The following PCDHGA7 variants were observed in gnomAD, a reference collection of about 807,000 sequenced individuals.
PCDHGA7 encodes the protein protocadherin gamma subfamily A, 7, also known as protocadherin gamma-A7.
A neutral mutation model predicts 58.3 loss-of-function variants in PCDHGA7; 44 were observed. The ratio of observed to expected loss-of-function variants is 0.75; its 90% CI spans 0.59 to 0.97. The LOEUF (loss-of-function observed/expected upper bound fraction) is 0.97. PCDHGA7 is among the 50% of genes least tolerant of loss of function. The pLI, the probability that PCDHGA7 is intolerant of heterozygous loss-of-function variation, is 0.00. For synonymous variants in PCDHGA7, 516 were observed against 504.2 expected (o/e 1.02, Z -0.31); for missense variants, 1,266 against 1,188.7 (o/e 1.06, Z -0.96).
intron 1 of PCDHGA7, among the ~76,000 whole-genome samples, chr5:141,444,275 G>A (rs1427489988): frequency 7.1e-6 from 1 of 141,698 alleles, no homozygotes; most frequent in Non-Finnish European, 1.5e-5. Flanking sequence ...AGGTTCAAGT[G>A]ATTCTCCTGC....
rs1014896576 is a variant in PCDHGA7, at chr5:141,512,427, C to T, written c.*1254C>T. 6.5e-6 allele frequency: 1 copy of T among 152,788 alleles called. No individual in the cohort carries two copies. Among genetic ancestry groups the T allele is most frequent in the African/African-American group, 2.4e-5 (1 of 41,460 alleles). The allele number at this position is 152,788 out of a possible 1,614,324, so 9.5% of individuals were successfully genotyped here. A position where few individuals can be genotyped will look rare whatever the true frequency, so the allele number is the denominator to read the frequency against. On this transcript the variant is annotated 3_prime_UTR_variant, in exon 4 of 4. Transcript: ENST00000518325. ...GGGCTTCTTCAACAGGGCCCCTGCC[C>T]TCCTGAAGCCTCAGTCCTTCACCTT...
At chr5:141,426,726 G>A (rs916323483) in intron 1 of PCDHGA7, 2 of 448,052 alleles carry the variant, frequency 4.5e-6, no homozygotes, top group South Asian at 1.6e-5. Flanking sequence ...AGCAATTCCA[G>A]GCATTCGGTT....
At position 141,385,118 on chromosome 5, in the gene PCDHGA7, T is replaced by C; in HGVS notation, c.2219T>C (p.Phe740Ser). 6.2e-7 allele frequency: 1 copy of C among 1,614,216 alleles called. No homozygotes were observed. ...TTGGCGAACGTGCCCACCTCGCACT[T>C]TGTGGGCATGGACGGGGTGCAGGCT... ...GGLANVPTSH[F>S]VGMDGVQAFL... The change falls in exon 1 of 4, where the codon TTT (phenylalanine) becomes TCT (serine). Residue 740 changes from phenylalanine (F) to serine (S), a missense_variant. Coordinates refer to ENST00000518325, the MANE Select transcript of PCDHGA7 (RefSeq NM_018920.4).
At chr5:141,482,999 T>G (rs1031397558) in intron 1 of PCDHGA7, among the ~76,000 whole-genome samples, 3 of 151,950 alleles carry the variant, frequency 2.0e-5, no homozygotes, top group Non-Finnish European at 2.9e-5. Flanking sequence ...GCAGGAGAAT[T>G]GCTTGAACCC....
At chr5:141,495,591 C>G (rs2099762279) in intron 2 of PCDHGA7, among the ~76,000 whole-genome samples, 3 of 152,222 alleles carry the variant, frequency 2.0e-5, no homozygotes, top group African/African-American at 7.2e-5. Context: ...CCATCTCTGT[C>G]TTAGCTTCCG....
intron 1 of PCDHGA7, chr5:141,416,744 A>G (rs1480936949): frequency 2.0e-5 from 3 of 152,210 alleles, no homozygotes; most frequent in Non-Finnish European, 4.4e-5. Context: ...GAAAATAGTG[A>G]CGTATTAGGT....
At chr5:141,421,267 C>A in intron 1 of PCDHGA7, 1 of 1,611,374 alleles carries the variant, frequency 6.2e-7, no homozygotes, top group South Asian at 1.1e-5. Flanking sequence ...CAGTCGGCTG[C>A]TGCTGCTGCT....
chr5:141,437,037 A>G (rs1410732155), intron 1 of PCDHGA7, among the ~76,000 whole-genome samples: 2 of 152,264 alleles, frequency 1.3e-5, no homozygotes, highest in Admixed American at 1.3e-4. Flanking sequence ...TGGATCACCG[A>G]AACCAGAAGG....
In PCDHGA7 at chr5:141,512,470, T is replaced by G. The variant is rs2099884244; in HGVS notation, c.*1297T>G. On this transcript the variant is annotated 3_prime_UTR_variant, in exon 4 of 4. Transcript: ENST00000518325. ...TTCACCTTGCCAGGTGCCGTTTCTC[T>G]TCCGTGAAGGCCACTGCCCAGGTCC... 6.5e-6 allele frequency: 1 copy of G among 152,892 alleles called. No individual in the cohort carries two copies. The highest frequency in any genetic ancestry group is 2.1e-4 in the South Asian group (1 of 4,834). 9.5% of individuals were successfully genotyped at this position (152,892 alleles called of 1,614,324 possible).
chr5:141,472,542 G>GA (rs904556404), intron 1 of PCDHGA7, among the ~76,000 whole-genome samples: 21 of 147,124 alleles, frequency 1.4e-4, no homozygotes, highest in Admixed American at 7.4e-4. Flanking sequence ...ACCATCTCAA[G>GA]AAAAAAAAAA....
chr5:141,421,562 A>G (rs1326874908), intron 1 of PCDHGA7: 1 of 1,613,992 alleles, frequency 6.2e-7, no homozygotes, highest in South Asian at 1.1e-5. Context: ...CTTCTCGTGG[A>G]AGACACCTTG....
intron 2 of PCDHGA7, among the ~76,000 whole-genome samples, chr5:141,503,292 A>G (rs7710319): frequency 6.6e-6 from 1 of 151,928 alleles, no homozygotes; most frequent in African/African-American, 2.4e-5. Flanking sequence ...TGGTACATAG[A>G]AATTGCTCAA....
At chr5:141,404,391 A>C (rs773558298) in intron 1 of PCDHGA7, 1 of 1,613,924 alleles carries the variant, frequency 6.2e-7, no homozygotes, top group South Asian at 1.1e-5. Context: ...TATGACCCTG[A>C]TAGCAATGAG....
chr5:141,399,628 G>A (rs775633916), intron 1 of PCDHGA7: 23 of 1,613,772 alleles, frequency 1.4e-5, no homozygotes, highest in South Asian at 2.2e-5. Context: ...GGCCTCTTAC[G>A]TGTCCATGAG....
intron 1 of PCDHGA7, among the ~76,000 whole-genome samples, chr5:141,465,094 G>GTT (rs138941665): frequency 3.4e-5 from 5 of 148,194 alleles, no homozygotes; most frequent in Non-Finnish European, 6.0e-5. Flanking sequence ...TTTTCTAGTA[G>GTT]TTTTTTTTTT....
At chr5:141,506,247 G>A (rs113270457) in intron 3 of PCDHGA7, among the ~76,000 whole-genome samples, 8,033 of 152,078 alleles carry the variant, frequency 0.053, 470 homozygotes, top group African/African-American at 0.14. Flanking sequence ...TCAGGAGTTC[G>A]AAACCGGCCT....
At chr5:141,411,732 A>C (rs1437829295) in intron 1 of PCDHGA7, 4 of 152,694 alleles carry the variant, frequency 2.6e-5, no homozygotes, top group African/African-American at 9.7e-5. Flanking sequence ...ACATTTAAAA[A>C]TTAGCAGGGT....
Position 141,486,677 on chromosome 5 carries a change from G to A in PCDHGA7, c.2425-8130G>A, listed in dbSNP as rs755512470. ...ACTCCTGGAGCCCAGGAATCGAGATGTATCAGCTTCCTCTTTCATCTCTCT... is the reference window on the plus strand; with the variant it reads ...ACTCCTGGAGCCCAGGAATCGAGATATATCAGCTTCCTCTTTCATCTCTCT... On this transcript the variant is annotated intron_variant, in intron 1 of 3. Transcript: ENST00000518325. This position sits in a 1 kb window ranked among gnomAD's most constrained non-coding sequence, Gnocchi z 5.0. The A allele has an allele frequency of 3.7e-6, 6 of 1,614,060 alleles. No individual in the cohort carries two copies. Among genetic ancestry groups the A allele is most frequent in the Middle Eastern group, 1.6e-4 (1 of 6,062 alleles).
intron 1 of PCDHGA7, chr5:141,433,358 C>CCTATCTATCTATCTATCTATCTAT: frequency 9.9e-6 from 5 of 503,368 alleles, no homozygotes; most frequent in South Asian, 2.6e-5. Flanking sequence ...CTACTGTCTG[C>CCTATCTATCTATCTATCTATCTAT]CTATCTATCT....
Sources: allele counts gnomAD v4.1 joint callset (sites outside exome capture counted in the v4.1 genomes callset), GRCh38; gene constraint gnomAD v4.1.1; non-coding constraint Gnocchi (gnomAD v3.1); transcripts MANE v1.5; gene names NCBI Gene and HGNC (gene_info 2026-07-23, HGNC 2026-07-21).